Variants in LRIG1 observed in about 807,000 individuals in gnomAD.
LRIG1 encodes leucine rich repeats and immunoglobulin like domains 1.
Under a neutral mutation model 99.2 loss-of-function variants are expected in LRIG1, and 48 were observed. The ratio of observed to expected loss-of-function variants is 0.48; its 90% CI spans 0.38 to 0.62. LRIG1 has a LOEUF of 0.62. LRIG1 is among the 20% of genes least tolerant of loss of function. The pLI, the probability that LRIG1 is intolerant of heterozygous loss-of-function variation, is 0.00. For missense variants in LRIG1, 1,646 were observed against 1,434.4 expected (o/e 1.15, Z -2.38); for synonymous variants, 772 against 596.1 (o/e 1.29, Z -4.30).
At chr3:66,446,280 G>T (rs1703720629) in intron 3 of LRIG1, among the ~76,000 whole-genome samples, 1 of 152,048 alleles carries the variant, frequency 6.6e-6, no homozygotes, top group Non-Finnish European at 1.5e-5. Flanking sequence ...CGGGGAAGGG[G>T]GAAGGTGACC....
In LRIG1 at chr3:66,383,194, C is replaced by T. The variant is rs191273463; in HGVS notation, c.2279G>A (p.Arg760Gln). 5.9e-5 allele frequency: 96 copies of T among 1,614,226 alleles called. 1 individual carries two copies. The highest frequency in any genetic ancestry group is 2.0e-4 in the Admixed American group (12 of 60,034). ...GGTGTTGGACATCTCACAGGTATAT[C>T]GGCCCGCATCCTCTGCCACCACGTT... is the stretch of plus-strand genomic sequence containing the variant. ...VQNVVAEDAG[R>Q]YTCEMSNTLG... The change falls in exon 15 of 19, where the codon CGA becomes CAA. Residue 760 changes from arginine to glutamine, a missense_variant. Transcript: ENST00000273261.
intron 1 of LRIG1, among the ~76,000 whole-genome samples, chr3:66,493,205 G>A (rs1177176990): frequency 1.3e-5 from 2 of 152,142 alleles, no homozygotes; most frequent in African/African-American, 4.8e-5. Flanking sequence ...TATTGACTGA[G>A]AGGTGCTACT....
At position 66,429,037 on chromosome 3, in the gene LRIG1, G is replaced by C. The variant is rs181567339; in HGVS notation, c.366-11771C>G. Reference sequence around the variant, plus strand: ...GGATAAACAGCCTCCGCCAGGCAGGGTCAACCTCTCCAAAGGCAGGACTGG... The same window carrying C: ...GGATAAACAGCCTCCGCCAGGCAGGCTCAACCTCTCCAAAGGCAGGACTGG... On this transcript the variant is annotated intron_variant, in intron 3 of 18. Coordinates refer to ENST00000273261, the MANE Select transcript of LRIG1 (RefSeq NM_015541.3). 3.1e-3 allele frequency among the ~76,000 whole-genome samples: 468 copies of C among 152,304 alleles called. 2 individuals are homozygous for C. The highest frequency in any genetic ancestry group is 0.01 in the African/African-American group (434 of 41,552).
intron 3 of LRIG1, among the ~76,000 whole-genome samples, chr3:66,418,027 T>C (rs1702668688): frequency 1.3e-5 from 2 of 151,912 alleles, no homozygotes; most frequent in Admixed American, 6.6e-5. Context: ...TGAAGGTAAA[T>C]GTTTAGTGGT....
intron 11 of LRIG1, 92 bp downstream of exon 11, chr3:66,398,020 T>A: frequency 9.4e-7 from 1 of 1,060,454 alleles, no homozygotes; most frequent in Non-Finnish European, 1.4e-6. Flanking sequence ...CCATGTGAAC[T>A]TTTAACAAGT....
At position 66,384,085 on chromosome 3, in the gene LRIG1, G is replaced by A; in HGVS notation, c.1977C>T (p.Ile659=). 6.2e-7 allele frequency: 1 copy of A among 1,614,190 alleles called. No homozygotes were observed. The highest frequency in any genetic ancestry group is 8.5e-7 in the Non-Finnish European group (1 of 1,180,046). The change falls in exon 14 of 19, where the codon ATC becomes ATT. Residue 659 remains isoleucine (I), a synonymous_variant. Coordinates refer to ENST00000273261, the MANE Select transcript of LRIG1 (RefSeq NM_015541.3). ...HVMPDDDVFF[I]TDVKIDDAGV... is the part of the protein sequence containing the mutation. ...CTGCGTCATCTATTTTCACATCAGT[G>A]ATGAAAAACACGTCGTCATCCGGCA...
intron 11 of LRIG1, among the ~76,000 whole-genome samples, chr3:66,397,453 A>AAT (rs2107978747): frequency 6.6e-6 from 1 of 151,772 alleles, no homozygotes; most frequent in South Asian, 2.1e-4. Context: ...CTAGCTAAAA[A>AAT]AAAAAAAAAA....
chr3:66,381,389 G>C, intron 17 of LRIG1, 90 bp downstream of exon 17: 1 of 1,321,184 alleles, frequency 7.6e-7, no homozygotes, highest in Non-Finnish European at 1.1e-6. Flanking sequence ...CTGTGGACTA[G>C]GAATGTGTCT....
chr3:66,401,562 T>G (rs1330492470), intron 9 of LRIG1: 1 of 1,272,100 alleles, frequency 7.9e-7, no homozygotes, highest in African/African-American at 1.5e-5. Context: ...AATTCTCAAT[T>G]ATGCAGGGGC....
chr3:66,415,770 T>G (rs773480411), intron 4 of LRIG1, among the ~76,000 whole-genome samples: 5 of 152,224 alleles, frequency 3.3e-5, no homozygotes, highest in African/African-American at 4.8e-5. Flanking sequence ...TCTTGCTGTA[T>G]GCAAATTATA....
chr3:66,381,741 C>T (rs1269800084), intron 16 of LRIG1, 110 bp from the exon 17 acceptor site: 1 of 1,261,088 alleles, frequency 7.9e-7, no homozygotes, highest in Non-Finnish European at 1.1e-6. Flanking sequence ...TTAAAAAGTT[C>T]TTCAGAGCGG....
At chr3:66,496,871 C>T (rs1701239384) in intron 1 of LRIG1, among the ~76,000 whole-genome samples, 1 of 152,238 alleles carries the variant, frequency 6.6e-6, no homozygotes, top group African/African-American at 2.4e-5. Context: ...CCTGGGCCTT[C>T]CAGCACAGCT....
At chr3:66,429,760 G>T (rs1703095372) in intron 3 of LRIG1, among the ~76,000 whole-genome samples, 1 of 151,612 alleles carries the variant, frequency 6.6e-6, no homozygotes, top group Non-Finnish European at 1.5e-5. Flanking sequence ...ACTAATGCAA[G>T]ATGTTAACAA....
chr3:66,444,408 G>A (rs1351554431), intron 3 of LRIG1, among the ~76,000 whole-genome samples: 2 of 152,164 alleles, frequency 1.3e-5, no homozygotes, highest in African/African-American at 4.8e-5. Context: ...CCATTACCAG[G>A]GCCATAGAGC....
intron 14 of LRIG1, 45 bp downstream of exon 14, chr3:66,383,946 G>GCACA (rs751049385): frequency 2.4e-5 from 20 of 842,438 alleles, no homozygotes; most frequent in Non-Finnish European, 3.2e-5. Context: ...TCTCTCTCTC[G>GCACA]CTCACACACA....
At chr3:66,447,546 T>C (rs1395948203) in intron 3 of LRIG1, among the ~76,000 whole-genome samples, 1 of 152,176 alleles carries the variant, frequency 6.6e-6, no homozygotes, top group Non-Finnish European at 1.5e-5. Context: ...TTCCTCCTGG[T>C]TGAGGACACA....
chr3:66,422,577 A>T lies in LRIG1; in HGVS notation c.366-5311T>A, dbSNP rs147934425. Among the ~76,000 whole-genome samples, 739 of 152,292 alleles carry T rather than the reference A, an allele frequency of 4.9e-3. 12 individuals carry two copies. Among genetic ancestry groups the T allele is most frequent in the African/African-American group, 0.013 (541 of 41,568 alleles). The stretch of plus-strand genomic sequence containing the variant: ...CCTGGACATTATTGTTCATGTCACT[A>T]TCAGCATTCTTGTCAAAGCCATTCA... On this transcript the variant is annotated intron_variant, in intron 3 of 18. Coordinates refer to ENST00000273261, the MANE Select transcript of LRIG1 (RefSeq NM_015541.3).
At chr3:66,443,111 G>A (rs557598090) in intron 3 of LRIG1, among the ~76,000 whole-genome samples, 134 of 152,088 alleles carry the variant, frequency 8.8e-4, no homozygotes, top group Non-Finnish European at 1.6e-3. Flanking sequence ...TCTGCACTAC[G>A]GAATCCCTGG....
At chr3:66,402,453 G>A (rs890812898) in intron 9 of LRIG1, among the ~76,000 whole-genome samples, 8 of 152,178 alleles carry the variant, frequency 5.3e-5, no homozygotes, top group Admixed American at 5.2e-4. Flanking sequence ...ATTAAGGGCA[G>A]GTCAGCATCC....
Sources: gnomAD v4.1 joint callset for allele counts (sites outside exome capture counted in the v4.1 genomes callset) on GRCh38, gnomAD v4.1.1 for gene constraint, MANE v1.5 for transcripts, NCBI Gene and HGNC (gene_info 2026-07-23, HGNC 2026-07-21) for gene names.